Variants in PRKCE observed in about 807,000 individuals in gnomAD.
PRKCE encodes the protein protein kinase C epsilon.
PRKCE carries 16 observed loss-of-function variants against 85.4 expected under a neutral mutation model. That is an observed-to-expected ratio of 0.19 (90% confidence interval 0.13 to 0.28). The LOEUF (loss-of-function observed/expected upper bound fraction) is 0.28, where lower values mean the gene tolerates loss of function less well. Among genes scored for constraint, PRKCE ranks in the 10% least tolerant of loss-of-function variants. The pLI is 1.00. For missense variants in PRKCE, 573 were observed against 975.2 expected (o/e 0.59, Z 5.49); for synonymous variants, 388 against 371.5 (o/e 1.04, Z -0.51).
intron 13 of PRKCE, among the ~76,000 whole-genome samples, chr2:46,154,997 A>T (rs1677059288): frequency 1.3e-5 from 2 of 152,176 alleles, no homozygotes; most frequent in Admixed American, 1.3e-4. Context: ...AAAAAACAGA[A>T]ACAGCTCTTA....
At chr2:45,666,761 C>A (rs912336961) in intron 1 of PRKCE, among the ~76,000 whole-genome samples, 2 of 152,072 alleles carry the variant, frequency 1.3e-5, no homozygotes, top group African/African-American at 4.8e-5. Context: ...GAGGTCTGTT[C>A]CTGAGGGTAA....
At chr2:45,686,501 A>G (rs1049174334) in intron 1 of PRKCE, among the ~76,000 whole-genome samples, 3 of 152,230 alleles carry the variant, frequency 2.0e-5, no homozygotes, top group African/African-American at 4.8e-5. Flanking sequence ...GCTATACAAT[A>G]TGCTATTTAT....
chr2:46,122,832 A>G (rs78304638), intron 11 of PRKCE, among the ~76,000 whole-genome samples: 3,447 of 150,398 alleles, frequency 0.023, 121 homozygotes, highest in African/African-American at 0.079. Context: ...ATGGTCAGGA[A>G]GTGGGGGCGC....
chr2:45,799,356 T>C (rs1262705483), intron 1 of PRKCE, among the ~76,000 whole-genome samples: 2 of 152,178 alleles, frequency 1.3e-5, no homozygotes, highest in African/African-American at 4.8e-5. Context: ...AAATTGAGTA[T>C]ATATTTAGTA....
intron 1 of PRKCE, among the ~76,000 whole-genome samples, chr2:45,742,610 A>T (rs6718227): frequency 0.12 from 17,881 of 152,188 alleles, 1,572 homozygotes; most frequent in African/African-American, 0.25. Flanking sequence ...TATCAAAAAG[A>T]TAATACTGCA....
chr2:45,704,325 G>A (rs1678929301), intron 1 of PRKCE, among the ~76,000 whole-genome samples: 1 of 152,184 alleles, frequency 6.6e-6, no homozygotes, highest in African/African-American at 2.4e-5. Flanking sequence ...CTTGTCCCCT[G>A]AATATTCTGT....
chr2:45,869,905 A>G (rs1461296575), intron 2 of PRKCE, among the ~76,000 whole-genome samples: 2 of 151,466 alleles, frequency 1.3e-5, no homozygotes, highest in Non-Finnish European at 2.9e-5. Context: ...ACGGGGTTTC[A>G]CCATATTGGC....
intron 1 of PRKCE, among the ~76,000 whole-genome samples, chr2:45,838,515 G>A (rs369442387): frequency 2.6e-5 from 4 of 152,096 alleles, no homozygotes; most frequent in Non-Finnish European, 4.4e-5. Flanking sequence ...ACGTCCTCCC[G>A]ATGCCCCCGA....
intron 10 of PRKCE, among the ~76,000 whole-genome samples, chr2:46,049,541 T>C (rs1708729438): frequency 6.6e-6 from 1 of 152,222 alleles, no homozygotes; most frequent in South Asian, 2.1e-4. Flanking sequence ...AGGTAGTTTC[T>C]GCCTGATTGT....
intron 1 of PRKCE, among the ~76,000 whole-genome samples, chr2:45,760,009 G>A (rs1684328337): frequency 6.6e-6 from 1 of 152,200 alleles, no homozygotes; most frequent in African/African-American, 2.4e-5. Flanking sequence ...CAATACCTAT[G>A]CACGCAAAAG....
rs1410469127 is a variant in PRKCE at position 45,774,148 on chromosome 2, G to A, written c.349-68852G>A. 6.6e-6 allele frequency among the ~76,000 whole-genome samples: 1 copy of A among 152,146 alleles called. No individual in the cohort carries two copies. Among genetic ancestry groups the A allele is most frequent in the Non-Finnish European group, 1.5e-5 (1 of 68,022 alleles). On this transcript the variant is annotated intron_variant, in intron 1 of 14. Transcript: ENST00000306156. The surrounding 1 kb of genome is among the most constrained non-coding windows in gnomAD (Gnocchi z 4.3). ...GGGGGCTGGAGGGAGCCAGGGACTT[G>A]TCATCCTGGGAGTTCCAGGGCTGGG...
At position 45,895,579 on chromosome 2, in the gene PRKCE, C is replaced by T. The variant is rs1034199941; in HGVS notation, c.412+52516C>T. Among the ~76,000 whole-genome samples, 1 of 152,116 alleles carries T rather than the reference C, an allele frequency of 6.6e-6. No homozygotes were observed. Among genetic ancestry groups the T allele is most frequent in the African/African-American group, 2.4e-5 (1 of 41,394 alleles). Reference sequence around the variant, plus strand: ...TCAATTTGGTTAGAGGAAAAAAATGCTTTTCTGAGTTTATGCAAAATGATC... The same window carrying T: ...TCAATTTGGTTAGAGGAAAAAAATGTTTTTCTGAGTTTATGCAAAATGATC... On this transcript the variant is annotated intron_variant, in intron 2 of 14. Coordinates refer to ENST00000306156, the MANE Select transcript of PRKCE (RefSeq NM_005400.3). This position sits in a 1 kb window ranked among gnomAD's most constrained non-coding sequence, Gnocchi z 4.8.
At chr2:45,789,510 G>T (rs1364526519) in intron 1 of PRKCE, among the ~76,000 whole-genome samples, 2 of 152,144 alleles carry the variant, frequency 1.3e-5, no homozygotes, top group Non-Finnish European at 2.9e-5. Flanking sequence ...CCTGCCTGTG[G>T]TCCTAGCTAC....
intron 1 of PRKCE, among the ~76,000 whole-genome samples, chr2:45,815,575 C>G (rs912772554): frequency 2.0e-5 from 3 of 152,192 alleles, no homozygotes; most frequent in Admixed American, 6.5e-5. Context: ...CACTTCCTGA[C>G]CAGTCACTTT....
At chr2:46,038,533 C>T (rs936769735) in intron 10 of PRKCE, among the ~76,000 whole-genome samples, 5 of 151,948 alleles carry the variant, frequency 3.3e-5, no homozygotes, top group Non-Finnish European at 5.9e-5. Flanking sequence ...AGAAGAGGCT[C>T]GAAAAATGAT....
intron 1 of PRKCE, among the ~76,000 whole-genome samples, chr2:45,777,898 AC>A (rs1685874170): frequency 1.3e-5 from 2 of 152,034 alleles, no homozygotes; most frequent in Non-Finnish European, 2.9e-5. Context: ...CAGACACCAC[AC>A]CAAAGGTTCT....
chr2:45,932,843 C>T (rs1699145110), intron 2 of PRKCE, among the ~76,000 whole-genome samples: 1 of 152,220 alleles, frequency 6.6e-6, no homozygotes. Context: ...TGAATTTTGA[C>T]TACTCTGCAT....
chr2:45,813,067 G>A (rs1170913210), intron 1 of PRKCE, among the ~76,000 whole-genome samples: 2 of 152,194 alleles, frequency 1.3e-5, no homozygotes, highest in African/African-American at 2.4e-5. Context: ...GGCGGCCCAG[G>A]AATGAGCTTT....
At chr2:45,965,137 T>G (rs1210356869) in intron 2 of PRKCE, among the ~76,000 whole-genome samples, 1 of 152,242 alleles carries the variant, frequency 6.6e-6, no homozygotes, top group Non-Finnish European at 1.5e-5. Context: ...AAGATACAGA[T>G]AGCATCGAAT....
Sources: gnomAD v4.1 joint callset for allele counts (sites outside exome capture counted in the v4.1 genomes callset) on GRCh38, gnomAD v4.1.1 for gene constraint, Gnocchi (gnomAD v3.1) non-coding constraint, MANE v1.5 for transcripts, NCBI Gene and HGNC (gene_info 2026-07-23, HGNC 2026-07-21) for gene names.